The following ANAPC5 variants were observed in gnomAD, a reference collection of about 807,000 sequenced individuals.
The protein encoded by ANAPC5 is anaphase promoting complex subunit 5.
Under a neutral mutation model 91.3 loss-of-function variants are expected in ANAPC5, and 60 were observed. The observed-to-expected ratio is 0.66, with a 90% confidence interval of 0.53 to 0.81. The LOEUF (loss-of-function observed/expected upper bound fraction) is 0.81. ANAPC5 is among the 40% of genes least tolerant of loss of function. ANAPC5 has a pLI of 0.00. For synonymous variants in ANAPC5, 340 were observed against 364.1 expected (o/e 0.93, Z 0.75); for missense variants, 690 against 931.5 (o/e 0.74, Z 3.37).
chr12:121,324,921 C>T (rs1902753010), intron 11 of ANAPC5, among the ~76,000 whole-genome samples: 1 of 152,094 alleles, frequency 6.6e-6, no homozygotes, highest in Non-Finnish European at 1.5e-5. Flanking sequence ...AATCCCAACA[C>T]TGTGACACTG....
At position 121,328,628 on chromosome 12, in the gene ANAPC5, C is replaced by T. The variant is rs145133882; in HGVS notation, c.1123-131G>A. ...ACAGCACTATTTAAAAGGAAAGTAC[C>T]TATAACCTGGCCTTAACCCTGAGCC... On this transcript the variant is annotated intron_variant, in intron 9 of 16. Transcript: ENST00000261819. The T allele has an allele frequency of 7.6e-3, 6,447 of 844,202 alleles. 46 individuals are homozygous for T. Among genetic ancestry groups the T allele is most frequent in the Middle Eastern group, 0.02 (79 of 3,876 alleles). 52.3% of individuals were successfully genotyped at this position (844,202 alleles called of 1,614,324 possible).
At chr12:121,325,736 G>A (rs1555272215) in intron 11 of ANAPC5, among the ~76,000 whole-genome samples, 1 of 151,306 alleles carries the variant, frequency 6.6e-6, no homozygotes, top group African/African-American at 2.4e-5. Flanking sequence ...GCATGGTGGT[G>A]GACACCTATA....
At chr12:121,329,976 C>T (rs554969781) in intron 9 of ANAPC5, among the ~76,000 whole-genome samples, 2 of 152,306 alleles carry the variant, frequency 1.3e-5, no homozygotes, top group Non-Finnish European at 2.9e-5. Context: ...ACGGCCTTCC[C>T]TATCACTCAA....
rs781834980 is a variant in ANAPC5, at chr12:121,352,359, C to A, written c.-19G>T. 5.1e-6 allele frequency: 8 copies of A among 1,576,496 alleles called. No homozygotes were observed. The highest frequency in any genetic ancestry group is 6.9e-6 in the Non-Finnish European group (8 of 1,157,550). ...TGGCCATGGCGGCCCGAGACTAAGT[C>A]TCGGGCCCGCGGCGCGCTGCCGCCA... On this transcript the variant is annotated 5_prime_UTR_variant, in exon 1 of 17. Coordinates refer to ENST00000261819, the MANE Select transcript of ANAPC5 (RefSeq NM_016237.5).
intron 13 of ANAPC5, 147 bp from the exon 14 acceptor site, chr12:121,318,755 T>C: frequency 1.4e-6 from 1 of 694,522 alleles, no homozygotes; most frequent in Non-Finnish European, 2.4e-6. Context: ...GCGCGGTGGC[T>C]CACACCTGTA....
chr12:121,346,972 A>G lies in ANAPC5; in HGVS notation c.321T>C (p.Asp107=). The G allele has an allele frequency of 1.2e-6, 2 of 1,611,244 alleles. No individual in the cohort carries two copies. The highest frequency in any genetic ancestry group is 1.7e-6 in the Non-Finnish European group (2 of 1,179,268). Reference sequence around the variant, plus strand: ...AAAGGTCATCAAAAAACTGTTCCATATCCTTCAACTCGCCTTCAGCCATCA... The same window carrying G: ...AAAGGTCATCAAAAAACTGTTCCATGTCCTTCAACTCGCCTTCAGCCATCA... ...IKLMAEGELK[D]MEQFFDDLSD... is the part of the protein sequence containing the mutation. Residue 107 remains aspartate, a synonymous_variant, in exon 3 of 17, where the codon GAT becomes GAC. Coordinates refer to ENST00000261819, the MANE Select transcript of ANAPC5 (RefSeq NM_016237.5).
At chr12:121,323,993 G>A (rs1902716995) in intron 11 of ANAPC5, among the ~76,000 whole-genome samples, 1 of 152,004 alleles carries the variant, frequency 6.6e-6, no homozygotes, top group Non-Finnish European at 1.5e-5. Context: ...ATTAGAAAAA[G>A]AATTCACTCT....
At chr12:121,325,081 T>C (rs1410742633) in intron 11 of ANAPC5, among the ~76,000 whole-genome samples, 1 of 152,176 alleles carries the variant, frequency 6.6e-6, no homozygotes, top group Non-Finnish European at 1.5e-5. Flanking sequence ...GGAGGATCAC[T>C]TGAGCCCAGA....
At chr12:121,336,714 A>G (rs1903251409) in intron 6 of ANAPC5, among the ~76,000 whole-genome samples, 1 of 152,082 alleles carries the variant, frequency 6.6e-6, no homozygotes, top group Non-Finnish European at 1.5e-5. Context: ...TTTTTGCATC[A>G]GTCTAGTATA....
rs1555273597 is a variant in ANAPC5, at chr12:121,337,305, C to A, written c.745G>T (p.Asp249Tyr). The A allele has an allele frequency of 6.2e-7, 1 of 1,613,366 alleles. No homozygotes were observed. Among genetic ancestry groups the A allele is most frequent in the Non-Finnish European group, 8.5e-7 (1 of 1,179,488 alleles). Residue 249 changes from aspartate (D) to tyrosine (Y), a missense_variant, in exon 6 of 17, where the codon GAT becomes TAT. Around this residue, in one of 5 missense-constraint regions of ANAPC5, gnomAD observed 83 missense variants for 150.8 expected, o/e 0.55. Transcript: ENST00000261819. Reference protein sequence around the residue: ...ELNNLLKFNPDFAEAHYLSYL... With the variant: ...ELNNLLKFNPYFAEAHYLSYL... ...GAAAGACTTACCGCTTCAGCAAAAT[C>A]AGGATTAAATTTCAACAAATTGTTT...
chr12:121,346,253 A>C, intron 3 of ANAPC5: 1 of 422,998 alleles, frequency 2.4e-6, no homozygotes, highest in Non-Finnish European at 4.2e-6. Flanking sequence ...CCCCACCTCC[A>C]CCTGAAGGCT....
At chr12:121,338,838 A>T (rs1555273778) in intron 5 of ANAPC5, among the ~76,000 whole-genome samples, 1 of 151,978 alleles carries the variant, frequency 6.6e-6, no homozygotes, top group Non-Finnish European at 1.5e-5. Flanking sequence ...ATAAATTTAC[A>T]ATATACCCTG....
intron 10 of ANAPC5, 76 bp downstream of exon 10, chr12:121,328,240 G>C (rs1327193318): frequency 8.9e-6 from 12 of 1,355,716 alleles, no homozygotes; most frequent in Non-Finnish European, 1.2e-5. Flanking sequence ...TGTATGTATG[G>C]CCTTTCACAG....
chr12:121,330,143 G>A (rs1040638083), intron 9 of ANAPC5, among the ~76,000 whole-genome samples: 1 of 151,978 alleles, frequency 6.6e-6, no homozygotes, highest in Non-Finnish European at 1.5e-5. Flanking sequence ...TTTCTTCTCT[G>A]TTGTTGATTT....
rs1001400716 is a variant in ANAPC5 at position 121,318,086 on chromosome 12, A to G, written c.1893+191T>C. 14 of 526,486 alleles carry G rather than the reference A, an allele frequency of 2.7e-5. No individual in the cohort carries two copies. In the African/African-American group the frequency reaches 2.8e-4, roughly 10 times the overall value. The allele number at this position is 526,486 out of a possible 1,614,324, so 32.6% of individuals were successfully genotyped here. A position where few individuals can be genotyped will look rare whatever the true frequency, so the allele number is the denominator to read the frequency against. Reference sequence around the variant, plus strand: ...AGCTCAGGAAAGCCAGTGCCACTGGAAAGTGTCAGTTTGTCACCAGGTTCA... The same window carrying G: ...AGCTCAGGAAAGCCAGTGCCACTGGGAAGTGTCAGTTTGTCACCAGGTTCA... On this transcript the variant is annotated intron_variant, in intron 15 of 16. Transcript: ENST00000261819.
At chr12:121,349,140 G>A (rs782477474) in intron 1 of ANAPC5, among the ~76,000 whole-genome samples, 2 of 152,146 alleles carry the variant, frequency 1.3e-5, no homozygotes, top group Non-Finnish European at 2.9e-5. Flanking sequence ...ATCCTCCCAC[G>A]TTGGCCTCCC....
chr12:121,329,835 G>C (rs972261162), intron 9 of ANAPC5, among the ~76,000 whole-genome samples: 4 of 151,126 alleles, frequency 2.6e-5, no homozygotes, highest in Non-Finnish European at 4.4e-5. Context: ...GGCTAGTCAC[G>C]AACTCCTGAC....
intron 10 of ANAPC5, 76 bp downstream of exon 10, chr12:121,328,240 G>A: frequency 7.4e-7 from 1 of 1,355,834 alleles, no homozygotes; most frequent in Non-Finnish European, 1.0e-6. Context: ...TGTATGTATG[G>A]CCTTTCACAG....
At position 121,335,603 on chromosome 12, in the gene ANAPC5, CT is replaced by C. The variant is rs782548651; in HGVS notation, c.879del (p.Glu294ArgfsTer7). 16 of 1,613,950 alleles carry C rather than the reference CT, an allele frequency of 9.9e-6. No individual in the cohort carries two copies. The highest frequency in any genetic ancestry group is 1.4e-5 in the Non-Finnish European group (16 of 1,179,908). On this transcript the variant is annotated frameshift_variant, in exon 7 of 17. Coordinates refer to ENST00000261819, the MANE Select transcript of ANAPC5 (RefSeq NM_016237.5). LOFTEE classifies it high-confidence loss of function. ...TATCTCAAGCTCCGGCCATAGCCCT[CT>C]TCCCCATTACTTTTGCTTTCGGCTC... is the stretch of plus-strand genomic sequence containing the variant. ...LTGAESKSNG[E>X]EGYGRSLRYA...
Sources: allele counts gnomAD v4.1 joint callset (sites outside exome capture counted in the v4.1 genomes callset), GRCh38; gene constraint gnomAD v4.1.1; regional missense constraint gnomAD v4.1.1; transcripts MANE v1.5; gene names NCBI Gene and HGNC (gene_info 2026-07-23, HGNC 2026-07-21).